The following KHDRBS2 variants were observed in gnomAD, a reference collection of about 807,000 sequenced individuals.
The protein encoded by KHDRBS2 is KH RNA binding domain containing, signal transduction associated 2, also known as KH domain-containing, RNA-binding, signal transduction-associated protein 2.
A neutral mutation model predicts 44.3 loss-of-function variants in KHDRBS2; 26 were observed. The observed-to-expected ratio is 0.59, with a 90% CI of 0.43 to 0.81. The LOEUF is 0.81. Ranked by LOEUF, KHDRBS2 falls within the 40% of genes least tolerant of loss-of-function variation. The pLI is 0.00. For missense variants in KHDRBS2, 476 were observed against 433.1 expected (o/e 1.10, Z -0.88); for synonymous variants, 194 against 151.1 (o/e 1.28, Z -2.08).
chr6:61,555,788 C>A, the KHDRBS2 span, among the ~76,000 whole-genome samples: 11 of 151,936 alleles, frequency 7.2e-5, no homozygotes, highest in Non-Finnish European at 1.2e-4. Flanking sequence ...TTTTGGAGGG[C>A]AAGGCTCAGA....
intron 4 of KHDRBS2, among the ~76,000 whole-genome samples, chr6:61,942,960 GGAGA>G (rs1167535311): frequency 1.4e-5 from 2 of 144,858 alleles, no homozygotes; most frequent in African/African-American, 5.1e-5. Flanking sequence ...GAAAGAAAGA[GGAGA>G]GAGAGAGGGA....
At chr6:61,568,308 T>C in the KHDRBS2 span, among the ~76,000 whole-genome samples, 1 of 152,176 alleles carries the variant, frequency 6.6e-6, no homozygotes, top group Non-Finnish European at 1.5e-5. Flanking sequence ...GTTTAAGATT[T>C]CTTTGGCTGC....
At chr6:61,998,240 T>C (rs1316970287) in intron 3 of KHDRBS2, among the ~76,000 whole-genome samples, 1 of 152,136 alleles carries the variant, frequency 6.6e-6, no homozygotes, top group East Asian at 1.9e-4. Flanking sequence ...ATTAAGGCAA[T>C]TTTAAAGAGT....
At chr6:62,271,416 GATA>G (rs932318844) in intron 1 of KHDRBS2, among the ~76,000 whole-genome samples, 2 of 152,192 alleles carry the variant, frequency 1.3e-5, no homozygotes. Flanking sequence ...TATAATACTT[GATA>G]ATAATAAATG....
At chr6:62,016,954 CA>C (rs1355415710) in intron 3 of KHDRBS2, among the ~76,000 whole-genome samples, 1 of 152,050 alleles carries the variant, frequency 6.6e-6, no homozygotes, top group Non-Finnish European at 1.5e-5. Flanking sequence ...AAAAAATATT[CA>C]GCAAATCAAA....
intron 1 of KHDRBS2, among the ~76,000 whole-genome samples, chr6:62,228,940 T>C (rs532671902): frequency 1.3e-5 from 2 of 152,168 alleles, no homozygotes; most frequent in Non-Finnish European, 2.9e-5. Flanking sequence ...CATTCCTGTA[T>C]AGGGTATCTG....
intron 6 of KHDRBS2, among the ~76,000 whole-genome samples, chr6:61,771,718 A>G (rs1780942636): frequency 6.6e-6 from 1 of 152,198 alleles, no homozygotes; most frequent in South Asian, 2.1e-4. Context: ...AGAGACTTAG[A>G]CTCACACACA....
chr6:61,814,691 T>C (rs2127241153), intron 6 of KHDRBS2, among the ~76,000 whole-genome samples: 1 of 152,218 alleles, frequency 6.6e-6, no homozygotes, highest in East Asian at 1.9e-4. Context: ...ATGGGTTTGT[T>C]TGGGTTCAAA....
At chr6:61,657,794 CT>C in the KHDRBS2 span, among the ~76,000 whole-genome samples, 1 of 151,914 alleles carries the variant, frequency 6.6e-6, no homozygotes. Flanking sequence ...TCTCATATGC[CT>C]TTTCCACCTG....
intron 5 of KHDRBS2, among the ~76,000 whole-genome samples, chr6:61,896,129 A>G (rs2127335937): frequency 6.6e-6 from 1 of 152,306 alleles, no homozygotes; most frequent in Admixed American, 6.5e-5. Flanking sequence ...ATGATAATAC[A>G]TAAAGGGATG....
At chr6:61,745,609 G>C (rs571064287) in intron 6 of KHDRBS2, among the ~76,000 whole-genome samples, 7 of 152,082 alleles carry the variant, frequency 4.6e-5, no homozygotes, top group Non-Finnish European at 8.8e-5. Flanking sequence ...TGTTAATGCT[G>C]TCATGACTAA....
intron 4 of KHDRBS2, among the ~76,000 whole-genome samples, chr6:61,939,797 T>C (rs928163782): frequency 6.6e-6 from 1 of 152,298 alleles, no homozygotes; most frequent in African/African-American, 2.4e-5. Context: ...TCATTAGACA[T>C]TGAAAGGAAG....
the KHDRBS2 span, among the ~76,000 whole-genome samples, chr6:61,611,726 T>C: frequency 9.9e-5 from 15 of 152,210 alleles, no homozygotes; most frequent in Admixed American, 9.8e-4. Context: ...TGATTCTTTG[T>C]TCAAAATTTC....
the KHDRBS2 span, among the ~76,000 whole-genome samples, chr6:61,555,422 C>T: frequency 3.3e-5 from 5 of 152,048 alleles, no homozygotes; most frequent in East Asian, 7.7e-4. Context: ...TTATTGTATT[C>T]TTTAGAATCC....
chr6:62,179,225 A>C lies in KHDRBS2; in HGVS notation c.92-1913T>G, dbSNP rs370999136. ...GTGAAATCTACACTGCATAATTTTT[A>C]CGAAGTCATTTATAATCATCTTATC... On this transcript the variant is annotated intron_variant, in intron 1 of 8. Transcript: ENST00000281156. Among the ~76,000 whole-genome samples, 100 of 151,814 alleles carry C rather than the reference A, an allele frequency of 6.6e-4. 1 individual carries two copies. Among genetic ancestry groups the C allele is most frequent in the African/African-American group, 2.4e-3 (98 of 41,522 alleles).
the KHDRBS2 span, chr6:61,630,257 CT>C: frequency 6.6e-6 from 1 of 152,110 alleles, no homozygotes; most frequent in Admixed American, 6.5e-5. Flanking sequence ...TGTTTATTAT[CT>C]AGTTTTACAG....
chr6:62,271,806 A>C (rs901964608), intron 1 of KHDRBS2, among the ~76,000 whole-genome samples: 3 of 152,120 alleles, frequency 2.0e-5, no homozygotes, highest in Non-Finnish European at 4.4e-5. Flanking sequence ...TTGTTTAGCT[A>C]ATTGCAAAAA....
At chr6:62,010,603 G>A (rs943075705) in intron 3 of KHDRBS2, among the ~76,000 whole-genome samples, 1 of 152,100 alleles carries the variant, frequency 6.6e-6, no homozygotes, top group African/African-American at 2.4e-5. Context: ...GACCCAGTGG[G>A]AGATGACTGA....
chr6:61,917,538 C>A (rs1224889549), intron 4 of KHDRBS2, among the ~76,000 whole-genome samples: 1 of 151,838 alleles, frequency 6.6e-6, no homozygotes, highest in South Asian at 2.1e-4. Flanking sequence ...GGTAATGAAA[C>A]TATTCTATAT....
Sources: gnomAD v4.1 joint callset for allele counts (sites outside exome capture counted in the v4.1 genomes callset) on GRCh38, gnomAD v4.1.1 for gene constraint, MANE v1.5 for transcripts, NCBI Gene and HGNC (gene_info 2026-07-23, HGNC 2026-07-21) for gene names.